Variants in TRPC6 observed in about 807,000 individuals in gnomAD.
TRPC6 encodes the protein transient receptor potential cation channel subfamily C member 6, also known as short transient receptor potential channel 6.
In TRPC6, 55 loss-of-function variants were observed where a neutral mutation model predicts 90.7. That is an observed-to-expected ratio of 0.61 (90% CI 0.49 to 0.76). The LOEUF is 0.76. Among genes scored for constraint, TRPC6 ranks in the 30% least tolerant of loss-of-function variants. TRPC6 has a pLI of 0.00. For missense variants in TRPC6, 989 were observed against 1,122.7 expected, an observed-to-expected ratio of 0.88 and a Z score of 1.70; for synonymous variants, 393 against 393.0, an observed-to-expected ratio of 1.00 and a Z score of 0.00.
At chr11:101,542,917 CTA>C (rs1391675709) in intron 1 of TRPC6, among the ~76,000 whole-genome samples, 65 of 152,154 alleles carry the variant, frequency 4.3e-4, no homozygotes, top group African/African-American at 1.6e-3. Flanking sequence ...AAAATATTAA[CTA>C]TTTTCAAAAT....
intron 1 of TRPC6, among the ~76,000 whole-genome samples, chr11:101,579,408 T>G (rs917753500): frequency 1.3e-5 from 2 of 152,222 alleles, no homozygotes; most frequent in Admixed American, 1.3e-4. Flanking sequence ...ACTGCATGTC[T>G]TATATCTACT....
chr11:101,576,692 A>G (rs1013189293), intron 1 of TRPC6, among the ~76,000 whole-genome samples: 3 of 152,178 alleles, frequency 2.0e-5, no homozygotes, highest in African/African-American at 7.2e-5. Context: ...GAGGGAGAAA[A>G]ATAAGAATGG....
intron 1 of TRPC6, among the ~76,000 whole-genome samples, chr11:101,526,152 A>G (rs1860773988): frequency 6.6e-6 from 1 of 152,192 alleles, no homozygotes. Flanking sequence ...AAGGGTATAA[A>G]TATGAATCTC....
chr11:101,457,430 C>T (rs1411406947), intron 10 of TRPC6, among the ~76,000 whole-genome samples: 3 of 151,966 alleles, frequency 2.0e-5, no homozygotes, highest in South Asian at 2.1e-4. Flanking sequence ...GTTTCTAATT[C>T]GTTAAAAAGA....
chr11:101,525,719 GC>G (rs1208661806), intron 1 of TRPC6, among the ~76,000 whole-genome samples: 2 of 152,156 alleles, frequency 1.3e-5, no homozygotes, highest in Non-Finnish European at 2.9e-5. Context: ...GGAAAGGGCA[GC>G]CAGTCATGAA....
rs10709017 is a variant in TRPC6 at position 101,535,396 on chromosome 11, ATT to A, written c.171-30600_171-30599del. On this transcript the variant is annotated intron_variant, in intron 1 of 12. Transcript: ENST00000344327. ...CCACTTATTCCCTAATCTTATTATT[ATT>A]TTTTTTTTTTGCTTTAACCTTTGTT... 9.7e-3 allele frequency among the ~76,000 whole-genome samples: 1,204 copies of A among 124,278 alleles called. 7 individuals are homozygous for A. Among genetic ancestry groups the A allele is most frequent in the South Asian group, 0.042 (175 of 4,174 alleles). The allele number at this position is 124,278 out of a possible 152,430, so 81.5% of individuals were successfully genotyped here. A position where few individuals can be genotyped will look rare whatever the true frequency, so the allele number is the denominator to read the frequency against.
intron 12 of TRPC6, 115 bp downstream of exon 12, chr11:101,453,535 T>C: frequency 9.7e-7 from 1 of 1,028,096 alleles, no homozygotes; most frequent in South Asian, 1.3e-5. Flanking sequence ...TGTTCTACTT[T>C]TCCCCTTGAA....
intron 2 of TRPC6, among the ~76,000 whole-genome samples, chr11:101,492,305 C>T (rs144016290): frequency 3.0e-4 from 46 of 152,164 alleles, no homozygotes; most frequent in African/African-American, 9.6e-4. Flanking sequence ...GTATGCTGGC[C>T]GGGTGTGTTG....
chr11:101,504,120 C>A lies in TRPC6; in HGVS notation c.849G>T (p.Pro283=). The change falls in exon 2 of 13, where the codon CCG becomes CCT. Residue 283 remains proline (P), a synonymous_variant. Transcript: ENST00000344327. ...RINAYKGLAS[P]AYLSLSSEDP... is the part of the protein sequence containing the mutation. The stretch of plus-strand genomic sequence containing the variant: ...CTTCACTAGACAATGACAGGTAAGC[C>A]GGACTTGCCAGGCCTTTATAGGCAT... 1 of 1,614,034 alleles carries A rather than the reference C, an allele frequency of 6.2e-7. No individual in the cohort carries two copies. Among genetic ancestry groups the A allele is most frequent in the Non-Finnish European group, 8.5e-7 (1 of 1,179,936 alleles).
At chr11:101,550,790 T>C (rs1239838395) in intron 1 of TRPC6, among the ~76,000 whole-genome samples, 3 of 151,776 alleles carry the variant, frequency 2.0e-5, no homozygotes, top group Non-Finnish European at 3.0e-5. Flanking sequence ...TCTTATCAAA[T>C]GTAGTACTTT....
intron 1 of TRPC6, among the ~76,000 whole-genome samples, chr11:101,527,805 G>A (rs555644825): frequency 5.9e-5 from 9 of 152,082 alleles, no homozygotes; most frequent in Non-Finnish European, 1.3e-4. Context: ...CAGGCACAGT[G>A]GCTCACACCT....
intron 1 of TRPC6, among the ~76,000 whole-genome samples, chr11:101,580,838 A>G (rs1333550555): frequency 6.6e-6 from 1 of 152,188 alleles, no homozygotes; most frequent in East Asian, 1.9e-4. Context: ...ACCTCCCACT[A>G]TGAAATTGTA....
At chr11:101,509,136 CT>C (rs1393768669) in intron 1 of TRPC6, among the ~76,000 whole-genome samples, 7 of 47,780 alleles carry the variant, frequency 1.5e-4, no homozygotes, top group African/African-American at 3.3e-4. Flanking sequence ...TTGTCTTTTT[CT>C]TTTTTTTTTG....
At chr11:101,508,335 C>G (rs1860320559) in intron 1 of TRPC6, among the ~76,000 whole-genome samples, 1 of 152,072 alleles carries the variant, frequency 6.6e-6, no homozygotes, top group African/African-American at 2.4e-5. Flanking sequence ...AGTATAATTT[C>G]CCCTTATAAA....
intron 1 of TRPC6, among the ~76,000 whole-genome samples, chr11:101,530,890 A>G (rs1354779102): frequency 1.3e-5 from 2 of 152,306 alleles, no homozygotes; most frequent in African/African-American, 4.8e-5. Flanking sequence ...TTATTATCTC[A>G]CTTATAATGT....
intron 2 of TRPC6, among the ~76,000 whole-genome samples, chr11:101,493,683 T>G (rs1036244050): frequency 6.6e-6 from 1 of 152,194 alleles, no homozygotes; most frequent in African/African-American, 2.4e-5. Flanking sequence ...AGTGACAGAC[T>G]TTTCTCTTAA....
chr11:101,465,812 C>CGTCTG (rs1380967043), intron 10 of TRPC6, among the ~76,000 whole-genome samples: 6 of 152,254 alleles, frequency 3.9e-5, no homozygotes, highest in Non-Finnish European at 7.4e-5. Context: ...ACTCATTCTC[C>CGTCTG]GTCTGGTTTT....
chr11:101,458,546 A>T (rs1480204514), intron 10 of TRPC6, among the ~76,000 whole-genome samples: 1 of 152,188 alleles, frequency 6.6e-6, no homozygotes, highest in African/African-American at 2.4e-5. Flanking sequence ...ATCCTTTCAG[A>T]CTGTACATCT....
At chr11:101,542,370 A>C (rs1861194179) in intron 1 of TRPC6, among the ~76,000 whole-genome samples, 1 of 152,226 alleles carries the variant, frequency 6.6e-6, no homozygotes. Context: ...AGTTCCCTTA[A>C]GTAAAAATCT....
Sources: allele counts gnomAD v4.1 joint callset (sites outside exome capture counted in the v4.1 genomes callset), GRCh38; gene constraint gnomAD v4.1.1; transcripts MANE v1.5; gene names NCBI Gene and HGNC (gene_info 2026-07-23, HGNC 2026-07-21).